Variants in TPRG1 observed in about 807,000 individuals in gnomAD.
The protein encoded by TPRG1 is tumor protein p63 regulated 1.
A neutral mutation model predicts 29.3 loss-of-function variants in TPRG1; 29 were observed. The ratio of observed to expected loss-of-function variants is 0.99; its 90% CI spans 0.74 to 1.35. TPRG1 has a LOEUF of 1.35. Among genes scored for constraint, TPRG1 ranks in the 40% most tolerant of loss-of-function variants. TPRG1 has a pLI of 0.00. For missense variants in TPRG1, 327 were observed against 335.0 expected, an observed-to-expected ratio of 0.98 and a Z score of 0.19; for synonymous variants, 130 against 116.8, an observed-to-expected ratio of 1.11 and a Z score of -0.73.
chr3:189,073,231 C>G (rs1716913282), intron 4 of TPRG1, among the ~76,000 whole-genome samples: 1 of 152,170 alleles, frequency 6.6e-6, no homozygotes, highest in Non-Finnish European at 1.5e-5. Flanking sequence ...GCATCCCAAC[C>G]TTACAGGGTT....
rs1736599290 is a variant in TPRG1, at chr3:189,219,468, T to C, written c.302+4085T>C. On this transcript the variant is annotated intron_variant, in intron 3 of 5. Coordinates refer to ENST00000345063, the MANE Select transcript of TPRG1 (RefSeq NM_198485.4). ...ATATACATCTATAAAGACAGGATAG[T>C]GTTTATTTCCACCTTGCAGTTTCCT... 7 of 566,792 alleles carry C rather than the reference T, an allele frequency of 1.2e-5. No homozygotes were observed. In the Admixed American group the frequency reaches 2.7e-4, roughly 22 times the overall value. The allele number at this position is 566,792 out of a possible 1,614,324, so 35.1% of individuals were successfully genotyped here. A position where few individuals can be genotyped will look rare whatever the true frequency, so the allele number is the denominator to read the frequency against.
At chr3:189,242,317 A>G (rs967259406) in intron 4 of TPRG1, among the ~76,000 whole-genome samples, 2 of 152,040 alleles carry the variant, frequency 1.3e-5, no homozygotes, top group Admixed American at 6.6e-5. Flanking sequence ...ACCTTATATT[A>G]TGTGTCAATA....
At position 189,083,080 on chromosome 3, in the gene TPRG1, C is replaced by T. The variant is rs147112264; in HGVS notation, c.-462-43977C>T. On this transcript the variant is annotated intron_variant, in intron 4 of 10. Coordinates refer to the TPRG1 transcript ENST00000433971. The stretch of plus-strand genomic sequence containing the variant: ...GATTGAGTGCTATAATTAGTGGGGG[C>T]TGTGGGTGGGGGCTGGGTGTGGAAG... 1.2e-4 allele frequency among the ~76,000 whole-genome samples: 18 copies of T among 152,026 alleles called. No individual in the cohort carries two copies. In the East Asian group the frequency reaches 2.9e-3, roughly 24 times the overall value.
At chr3:189,318,513 T>A (rs1431700526) in intron 5 of TPRG1, among the ~76,000 whole-genome samples, 2 of 152,200 alleles carry the variant, frequency 1.3e-5, no homozygotes, top group Non-Finnish European at 2.9e-5. Context: ...AGAGCTGAAG[T>A]TTCCTAGGCA....
At chr3:189,263,029 C>T (rs1351168450) in intron 4 of TPRG1, among the ~76,000 whole-genome samples, 1 of 152,208 alleles carries the variant, frequency 6.6e-6, no homozygotes, top group African/African-American at 2.4e-5. Flanking sequence ...ATTTTGGTAA[C>T]CTAATCCCAG....
At chr3:189,145,631 G>C (rs531977881) in intron 3 of TPRG1, among the ~76,000 whole-genome samples, 1 of 152,146 alleles carries the variant, frequency 6.6e-6, no homozygotes, top group African/African-American at 2.4e-5. Context: ...TCAACAGCTA[G>C]TATCATGCTT....
intron 1 of TPRG1, among the ~76,000 whole-genome samples, chr3:189,187,062 C>T (rs1435856422): frequency 7.0e-6 from 1 of 142,194 alleles, no homozygotes; most frequent in Non-Finnish European, 1.5e-5. Context: ...TTTCGGCTCA[C>T]TGCAACACTT....
intron 4 of TPRG1, among the ~76,000 whole-genome samples, chr3:189,265,601 A>G (rs896368023): frequency 6.6e-6 from 1 of 152,168 alleles, no homozygotes; most frequent in Non-Finnish European, 1.5e-5. Flanking sequence ...GCTGCCTTGA[A>G]TCTAAGTCTG....
At chr3:189,118,551 G>T (rs1244920659) in intron 1 of TPRG1, among the ~76,000 whole-genome samples, 1 of 152,154 alleles carries the variant, frequency 6.6e-6, no homozygotes, top group African/African-American at 2.4e-5. Context: ...AGGCCTGGAG[G>T]CCTAAGAAGG....
intron 3 of TPRG1, among the ~76,000 whole-genome samples, chr3:189,019,052 G>C (rs1578198335): frequency 6.6e-6 from 1 of 152,080 alleles, no homozygotes; most frequent in South Asian, 2.1e-4. Flanking sequence ...TGGTGTATAA[G>C]AATGCTTGTG....
intron 4 of TPRG1, chr3:189,240,379 T>C (rs1215382162): frequency 6.6e-6 from 1 of 152,158 alleles, no homozygotes; most frequent in Non-Finnish European, 1.5e-5. Context: ...TATTTTTAAA[T>C]AAATAGTCTA....
intron 3 of TPRG1, among the ~76,000 whole-genome samples, chr3:189,231,377 T>C (rs1042104120): frequency 6.6e-6 from 1 of 151,990 alleles, no homozygotes; most frequent in Non-Finnish European, 1.5e-5. Context: ...AAAACTATTA[T>C]AGGCTTGAGG....
intron 3 of TPRG1, among the ~76,000 whole-genome samples, chr3:189,144,610 C>T (rs1490067422): frequency 6.6e-6 from 1 of 152,120 alleles, no homozygotes; most frequent in African/African-American, 2.4e-5. Flanking sequence ...TATCACAGGA[C>T]TAAACAGTGA....
chr3:189,089,894 G>C lies in TPRG1; in HGVS notation c.-462-37163G>C, dbSNP rs553146263. On this transcript the variant is annotated intron_variant, in intron 4 of 10. Coordinates refer to the TPRG1 transcript ENST00000433971. ...GATAATAATATTTTTTATTTTGTTTGTCTTCTTTTTTTTATGAGATTTTTC... is the reference window on the plus strand; with the variant it reads ...GATAATAATATTTTTTATTTTGTTTCTCTTCTTTTTTTTATGAGATTTTTC... 2.2e-4 allele frequency among the ~76,000 whole-genome samples: 33 copies of C among 151,948 alleles called. No individual in the cohort carries two copies. The East Asian group carries it at 6.4e-3, about 29-fold the overall frequency.
intron 4 of TPRG1, among the ~76,000 whole-genome samples, chr3:189,252,935 CTA>C (rs1742514065): frequency 6.6e-6 from 1 of 152,126 alleles, no homozygotes. Context: ...AAACCGGAGA[CTA>C]TTTTTAATTT....
chr3:189,170,803 G>T (rs563523099), upstream of TPRG1, among the ~76,000 whole-genome samples: 4 of 152,254 alleles, frequency 2.6e-5, no homozygotes, highest in African/African-American at 9.6e-5. Flanking sequence ...ATCGCTTCAT[G>T]ACCTCAGTAT....
intron 4 of TPRG1, among the ~76,000 whole-genome samples, chr3:189,299,746 C>G (rs937564464): frequency 6.6e-6 from 1 of 151,430 alleles, no homozygotes; most frequent in Non-Finnish European, 1.5e-5. Context: ...CGACCCTATT[C>G]TTGATCAGCT....
Position 189,131,070 on chromosome 3 carries a change from A to G in TPRG1, c.-589-1329A>G, listed in dbSNP as rs560742487. On this transcript the variant is annotated intron_variant, in intron 2 of 6. Transcript: ENST00000412373. ...CGTGATCGTATGTCCCACTTTGCCC[A>G]GAACAGTTCAGATTTATCCTTTTTG... Among the ~76,000 whole-genome samples, 8 of 152,332 alleles carry G rather than the reference A, an allele frequency of 5.3e-5. No homozygotes were observed. The East Asian group carries it at 1.2e-3, about 22-fold the overall frequency.
intron 1 of TPRG1, among the ~76,000 whole-genome samples, chr3:189,197,760 A>G (rs532468984): frequency 6.6e-6 from 1 of 152,364 alleles, no homozygotes; most frequent in Non-Finnish European, 1.5e-5. Flanking sequence ...GATTAAGTGG[A>G]TATGTTTCTA....
Sources: allele counts gnomAD v4.1 joint callset (sites outside exome capture counted in the v4.1 genomes callset), GRCh38; gene constraint gnomAD v4.1.1; transcripts MANE v1.5; gene names NCBI Gene and HGNC (gene_info 2026-07-23, HGNC 2026-07-21).